The following ERG variants were observed in gnomAD, a reference collection of about 807,000 sequenced individuals.
ERG encodes the protein transcriptional regulator ERG.
In ERG, 9 loss-of-function variants were observed where a neutral mutation model predicts 55.3. That is an observed-to-expected ratio of 0.16 (90% confidence interval 0.10 to 0.28). ERG has a LOEUF of 0.28. Ranked by LOEUF, ERG falls within the 10% of genes least tolerant of loss-of-function variation. The pLI is 1.00. For missense variants in ERG, 434 were observed against 631.6 expected (o/e 0.69, Z 3.35); for synonymous variants, 223 against 237.3 (o/e 0.94, Z 0.55).
chr21:38,389,159 C>T (rs1397607746), intron 9 of ERG, among the ~76,000 whole-genome samples: 1 of 152,182 alleles, frequency 6.6e-6, no homozygotes, highest in Non-Finnish European at 1.5e-5. Context: ...CTCCTCTTCC[C>T]TTCATACTTA....
At chr21:38,371,563 T>A in the ERG span, among the ~76,000 whole-genome samples, 1 of 152,068 alleles carries the variant, frequency 6.6e-6, no homozygotes, top group East Asian at 1.9e-4. Flanking sequence ...TTTCTTAGTT[T>A]GCTAGTAGTT....
chr21:38,514,033 A>G (rs2059533649), intron 2 of ERG, among the ~76,000 whole-genome samples: 1 of 152,012 alleles, frequency 6.6e-6, no homozygotes, highest in East Asian at 1.9e-4. Flanking sequence ...ATTAGTTGAA[A>G]TACATAATTG....
At chr21:38,607,114 G>A (rs149046300) in intron 1 of ERG, among the ~76,000 whole-genome samples, 1 of 152,070 alleles carries the variant, frequency 6.6e-6, no homozygotes. Context: ...AACAACAGAC[G>A]CCAGAAGGGA....
chr21:38,590,981 A>G (rs899606465), intron 1 of ERG, among the ~76,000 whole-genome samples: 4 of 152,202 alleles, frequency 2.6e-5, no homozygotes, highest in Admixed American at 2.6e-4. Flanking sequence ...TCCAGGGGTG[A>G]AAGGGGCAAA....
At chr21:38,464,713 C>G (rs956227276) in intron 1 of ERG, among the ~76,000 whole-genome samples, 4 of 151,990 alleles carry the variant, frequency 2.6e-5, no homozygotes, top group Non-Finnish European at 5.9e-5. Flanking sequence ...TATCCCTCAC[C>G]TACCCTCCTA....
chr21:38,384,023 C>G, intron 9 of ERG, 100 bp from the exon 10 acceptor site: 6 of 1,456,032 alleles, frequency 4.1e-6, no homozygotes, highest in Non-Finnish European at 5.5e-6. Context: ...GGTGTGCCGC[C>G]CACATTCCCT....
chr21:38,529,950 G>C (rs1242495105), intron 2 of ERG, among the ~76,000 whole-genome samples: 1 of 152,080 alleles, frequency 6.6e-6, no homozygotes, highest in Non-Finnish European at 1.5e-5. Context: ...TGGGTGACAA[G>C]AGCGAAACTC....
chr21:38,427,264 G>A (rs13048984), intron 2 of ERG, among the ~76,000 whole-genome samples: 2 of 151,866 alleles, frequency 1.3e-5, no homozygotes, highest in African/African-American at 4.8e-5. Context: ...TAGTAGAGAC[G>A]GGGTTTCACC....
intron 1 of ERG, among the ~76,000 whole-genome samples, chr21:38,658,555 G>A (rs1375467749): frequency 6.6e-6 from 1 of 151,784 alleles, no homozygotes; most frequent in African/African-American, 2.4e-5. Flanking sequence ...TTTAAAGATA[G>A]CAAGATAAAA....
At chr21:38,434,612 A>G (rs1174001039) in intron 2 of ERG, among the ~76,000 whole-genome samples, 1 of 152,214 alleles carries the variant, frequency 6.6e-6, no homozygotes, top group Non-Finnish European at 1.5e-5. Flanking sequence ...GTGCAAGAGA[A>G]AGCCCCTCGT....
intron 3 of ERG, 84 bp downstream of exon 3, chr21:38,423,326 T>G (rs1263342605): frequency 7.1e-7 from 1 of 1,412,618 alleles, no homozygotes; most frequent in Non-Finnish European, 9.7e-7. Context: ...ATGCCACAGG[T>G]GGGGGAGAAG....
intron 2 of ERG, among the ~76,000 whole-genome samples, chr21:38,429,294 A>T (rs1389409576): frequency 6.6e-6 from 1 of 151,922 alleles, no homozygotes; most frequent in Non-Finnish European, 1.5e-5. Context: ...ATACCCACAC[A>T]TATACATATG....
intron 9 of ERG, among the ~76,000 whole-genome samples, chr21:38,390,264 C>T (rs774821700): frequency 2.0e-5 from 3 of 152,180 alleles, no homozygotes; most frequent in Admixed American, 6.5e-5. Flanking sequence ...CTTCTAGCAT[C>T]GAAGTTCAGA....
chr21:38,456,472 A>AT (rs1345955774), intron 1 of ERG, among the ~76,000 whole-genome samples: 7 of 152,254 alleles, frequency 4.6e-5, no homozygotes, highest in Non-Finnish European at 1.0e-4. Flanking sequence ...ACATGGCAAC[A>AT]TGGTAATACC....
intron 2 of ERG, among the ~76,000 whole-genome samples, chr21:38,436,105 C>T (rs559037703): frequency 1.5e-4 from 22 of 150,578 alleles, no homozygotes; most frequent in Admixed American, 4.6e-4. Context: ...CTGCAACCTC[C>T]GCCCCCACTG....
intron 2 of ERG, among the ~76,000 whole-genome samples, chr21:38,511,643 A>T (rs554837583): frequency 6.6e-6 from 1 of 152,364 alleles, no homozygotes; most frequent in Non-Finnish European, 1.5e-5. Context: ...TTTAAGATAC[A>T]TCCCAATTTT....
chr21:38,581,409 G>A (rs1301338397), intron 1 of ERG, among the ~76,000 whole-genome samples: 2 of 152,182 alleles, frequency 1.3e-5, no homozygotes, highest in African/African-American at 2.4e-5. Context: ...CTTGTCTCTC[G>A]TTTCTGGCAT....
Position 38,381,805 on chromosome 21 carries a change from T to C in ERG, c.*1598A>G. The C allele has an allele frequency of 9.4e-7, 1 of 1,063,488 alleles. No homozygotes were observed. The highest frequency in any genetic ancestry group is 5.4e-5 in the Admixed American group (1 of 18,668). 65.9% of individuals were successfully genotyped at this position (1,063,488 alleles called of 1,614,324 possible). A position where few individuals can be genotyped will look rare whatever the true frequency, so the allele number is the denominator to read the frequency against. Reference sequence around the variant, plus strand: ...GGCTCCAATGTGAAACCCGGGGTCCTTCTGTTCCAAAAGGGGCTAGAAATA... The same window carrying C: ...GGCTCCAATGTGAAACCCGGGGTCCCTCTGTTCCAAAAGGGGCTAGAAATA... On this transcript the variant is annotated 3_prime_UTR_variant, in exon 10 of 10. Coordinates refer to ENST00000288319, the MANE Select transcript of ERG (RefSeq NM_182918.4).
intron 1 of ERG, among the ~76,000 whole-genome samples, chr21:38,461,954 C>G (rs1747962536): frequency 6.6e-6 from 1 of 151,536 alleles, no homozygotes; most frequent in Non-Finnish European, 1.5e-5. Context: ...ACAGGCGTGT[C>G]CCACCATGCC....
Sources: allele counts gnomAD v4.1 joint callset (sites outside exome capture counted in the v4.1 genomes callset), GRCh38; gene constraint gnomAD v4.1.1; transcripts MANE v1.5; gene names NCBI Gene and HGNC (gene_info 2026-07-23, HGNC 2026-07-21).